The following GPC6 variants were observed in gnomAD, a reference collection of about 807,000 sequenced individuals.
GPC6 encodes glypican-6.
A neutral mutation model predicts 55.2 loss-of-function variants in GPC6; 14 were observed. That is an observed-to-expected ratio of 0.25 (90% CI 0.17 to 0.40). The LOEUF is 0.40. Among genes scored for constraint, GPC6 ranks in the 10% least tolerant of loss-of-function variants. The probability of loss-of-function intolerance (pLI) is 1.00; values close to 1 mark genes in which losing one functional copy is unlikely to be tolerated. For synonymous variants in GPC6, 278 were observed against 259.6 expected, an observed-to-expected ratio of 1.07 and a Z score of -0.68; for missense variants, 641 against 708.5, an observed-to-expected ratio of 0.90 and a Z score of 1.08.
intron 4 of GPC6, among the ~76,000 whole-genome samples, chr13:94,228,127 T>C (rs1890613942): frequency 1.3e-5 from 2 of 152,154 alleles, no homozygotes; most frequent in African/African-American, 4.8e-5. Context: ...TTAAGCTGCA[T>C]TGTAGAAACA....
At chr13:93,399,053 CACACACAG>C (rs1283547465) in intron 1 of GPC6, among the ~76,000 whole-genome samples, 2 of 73,834 alleles carry the variant, frequency 2.7e-5, no homozygotes, top group South Asian at 1.5e-3. Context: ...CTCCTACACA[CACACACAG>C]ACACACACAC....
intron 3 of GPC6, among the ~76,000 whole-genome samples, chr13:93,893,301 C>T (rs968677875): frequency 2.0e-5 from 3 of 151,998 alleles, no homozygotes; most frequent in South Asian, 2.1e-4. Context: ...TCAGGTGATC[C>T]GCCTCGGCCT....
intron 2 of GPC6, among the ~76,000 whole-genome samples, chr13:93,583,517 C>G (rs542332796): frequency 6.6e-6 from 1 of 152,110 alleles, no homozygotes; most frequent in Non-Finnish European, 1.5e-5. Flanking sequence ...CTCCCAGGTT[C>G]AAGGGATTCT....
At chr13:93,848,808 T>C (rs1032830877) in intron 3 of GPC6, among the ~76,000 whole-genome samples, 11 of 152,034 alleles carry the variant, frequency 7.2e-5, no homozygotes, top group African/African-American at 2.7e-4. Flanking sequence ...CCGCAACCAA[T>C]GTAATTTTTA....
intron 2 of GPC6, among the ~76,000 whole-genome samples, chr13:93,557,663 C>T (rs41403347): frequency 0.058 from 8,875 of 152,138 alleles, 890 homozygotes; most frequent in African/African-American, 0.2. Context: ...GGTTCCAAGT[C>T]CCCCTACAAA....
chr13:94,203,272 C>G (rs558331940), intron 4 of GPC6, among the ~76,000 whole-genome samples: 1 of 151,260 alleles, frequency 6.6e-6, no homozygotes, highest in Non-Finnish European at 1.5e-5. Context: ...AAAAAAAATA[C>G]TGACCCAGGT....
At chr13:94,145,785 AT>A (rs1308480236) in intron 4 of GPC6, among the ~76,000 whole-genome samples, 1 of 152,182 alleles carries the variant, frequency 6.6e-6, no homozygotes, top group Non-Finnish European at 1.5e-5. Flanking sequence ...TGAATATGTA[AT>A]TTAACAGAAG....
At chr13:93,574,525 G>A (rs537471436) in intron 2 of GPC6, among the ~76,000 whole-genome samples, 4 of 152,072 alleles carry the variant, frequency 2.6e-5, no homozygotes, top group Non-Finnish European at 5.9e-5. Context: ...ATAAATTTCT[G>A]TTCTATTAAG....
In GPC6 at chr13:93,227,368, C is replaced by T. The variant is rs1875827236; in HGVS notation, c.-89C>T. The T allele has an allele frequency of 1.5e-6, 2 of 1,360,218 alleles. No individual in the cohort carries two copies. The highest frequency in any genetic ancestry group is 2.3e-5 in the East Asian group (1 of 43,206). 84.3% of individuals were successfully genotyped at this position (1,360,218 alleles called of 1,614,324 possible). On this transcript the variant is annotated 5_prime_UTR_variant, in exon 1 of 9. Coordinates refer to ENST00000377047, the MANE Select transcript of GPC6 (RefSeq NM_005708.5). The surrounding 1 kb of genome is among the most constrained non-coding windows in gnomAD (Gnocchi z 4.3). ...CGCTGGGCAGCGGCGAGGAGCGCGCCGCTGCCTCTGGCGGGCTTTCGGCTT... is the reference window on the plus strand; with the variant it reads ...CGCTGGGCAGCGGCGAGGAGCGCGCTGCTGCCTCTGGCGGGCTTTCGGCTT...
At chr13:93,595,774 G>T (rs924542257) in intron 2 of GPC6, among the ~76,000 whole-genome samples, 15 of 152,066 alleles carry the variant, frequency 9.9e-5, no homozygotes, top group Non-Finnish European at 2.2e-4. Flanking sequence ...TAAAATGTGT[G>T]ATTTGGCATA....
intron 4 of GPC6, among the ~76,000 whole-genome samples, chr13:94,062,644 G>T (rs1461488538): frequency 6.6e-6 from 1 of 151,988 alleles, no homozygotes; most frequent in Non-Finnish European, 1.5e-5. Flanking sequence ...TCTTTATTAT[G>T]TACATATTTT....
In GPC6 at chr13:93,386,624, A is replaced by G. The variant is rs531208454; in HGVS notation, c.161-158639A>G. ...AGAGAAAATGTGGCTGGTAGAAGTC[A>G]TCATAACACATGCAAATAACAATAT... On this transcript the variant is annotated intron_variant, in intron 1 of 8. Coordinates refer to ENST00000377047, the MANE Select transcript of GPC6 (RefSeq NM_005708.5). Among the ~76,000 whole-genome samples the G allele has an allele frequency of 3.3e-4, 51 of 152,246 alleles. No homozygotes were observed. The East Asian group carries it at 4.1e-3, about 12-fold the overall frequency.
chr13:93,776,535 C>A (rs907418454), intron 2 of GPC6, among the ~76,000 whole-genome samples: 8 of 151,898 alleles, frequency 5.3e-5, no homozygotes, highest in Non-Finnish European at 1.0e-4. Context: ...GGATAATGAA[C>A]TGATATGATC....
At chr13:93,402,769 A>G (rs909929263) in intron 1 of GPC6, among the ~76,000 whole-genome samples, 1 of 152,132 alleles carries the variant, frequency 6.6e-6, no homozygotes, top group African/African-American at 2.4e-5. Flanking sequence ...AGTGCTTCAC[A>G]TAATACATGC....
At chr13:94,084,592 A>AG (rs1414798050) in intron 4 of GPC6, among the ~76,000 whole-genome samples, 1 of 143,226 alleles carries the variant, frequency 7.0e-6, no homozygotes, top group Non-Finnish European at 1.5e-5. Flanking sequence ...GTGATAAAAA[A>AG]AAAACTTAAT....
At chr13:93,355,084 C>T (rs568522418) in intron 1 of GPC6, among the ~76,000 whole-genome samples, 1 of 152,270 alleles carries the variant, frequency 6.6e-6, no homozygotes, top group South Asian at 2.1e-4. Flanking sequence ...GCAGGAGAGG[C>T]AATTCATCCT....
At chr13:93,815,433 A>C (rs1415737914) in intron 2 of GPC6, among the ~76,000 whole-genome samples, 1 of 152,182 alleles carries the variant, frequency 6.6e-6, no homozygotes, top group African/African-American at 2.4e-5. Flanking sequence ...AATTTAATAT[A>C]ATTTTAACAT....
chr13:93,968,191 C>T (rs1028045988), intron 3 of GPC6, among the ~76,000 whole-genome samples: 1 of 151,944 alleles, frequency 6.6e-6, no homozygotes, highest in Non-Finnish European at 1.5e-5. Context: ...AAGGATGTAG[C>T]CAATTGATAT....
At chr13:93,580,019 G>A (rs941981269) in intron 2 of GPC6, among the ~76,000 whole-genome samples, 5 of 152,146 alleles carry the variant, frequency 3.3e-5, no homozygotes, top group Non-Finnish European at 7.4e-5. Flanking sequence ...TTCCTTGTAT[G>A]TCCCAGTCAC....
Sources: gnomAD v4.1 joint callset for allele counts (sites outside exome capture counted in the v4.1 genomes callset) on GRCh38, gnomAD v4.1.1 for gene constraint, Gnocchi (gnomAD v3.1) non-coding constraint, MANE v1.5 for transcripts, NCBI Gene and HGNC (gene_info 2026-07-23, HGNC 2026-07-21) for gene names.